Variants in MPHOSPH8 observed in about 807,000 individuals in gnomAD.
The protein encoded by MPHOSPH8 is M-phase phosphoprotein, mpp.
A neutral mutation model predicts 87.3 loss-of-function variants in MPHOSPH8; 45 were observed. The ratio of observed to expected loss-of-function variants is 0.52; its 90% confidence interval spans 0.41 to 0.66. The LOEUF (loss-of-function observed/expected upper bound fraction) is 0.66, where lower values mean the gene tolerates loss of function less well. MPHOSPH8 is among the 30% of genes least tolerant of loss of function. The pLI is 0.00. For missense variants in MPHOSPH8, 883 were observed against 1,020.2 expected, an observed-to-expected ratio of 0.87 and a Z score of 1.83; for synonymous variants, 366 against 376.9, an observed-to-expected ratio of 0.97 and a Z score of 0.33.
At position 19,646,988 on chromosome 13, in the gene MPHOSPH8, G is replaced by A. The variant is rs1874600426; in HGVS notation, c.915G>A (p.Gly305=). ...SARERAGQDM[G]LEHGFEKPLD... ...GAGAGAGAGCAGGGCAGGACATGGG[G>A]CTGGAGCATGGCTTTGAGAAGCCCC... Residue 305 remains glycine (G), a synonymous_variant, in exon 3 of 14, where the codon GGG becomes GGA. Coordinates refer to ENST00000361479, the MANE Select transcript of MPHOSPH8 (RefSeq NM_017520.4). 1 of 1,592,706 alleles carries A rather than the reference G, an allele frequency of 6.3e-7. No homozygotes were observed. Among genetic ancestry groups the A allele is most frequent in the Admixed American group, 1.9e-5 (1 of 52,920 alleles).
rs1390709062 is a variant in MPHOSPH8 at position 19,672,306 on chromosome 13, A to C, written c.*431A>C. 6.0e-6 allele frequency: 1 copy of C among 165,300 alleles called. No individual in the cohort carries two copies. Among genetic ancestry groups the C allele is most frequent in the African/African-American group, 2.4e-5 (1 of 41,764 alleles). The allele number at this position is 165,300 out of a possible 1,614,324, so 10.2% of individuals were successfully genotyped here. On this transcript the variant is annotated 3_prime_UTR_variant, in exon 14 of 14. Coordinates refer to ENST00000361479, the MANE Select transcript of MPHOSPH8 (RefSeq NM_017520.4). ...ATTACAGACACCCGCCATGGCACCC[A>C]GCTAATTTTGTATTTTTAGTAGAGA...
intron 4 of MPHOSPH8, among the ~76,000 whole-genome samples, chr13:19,648,955 C>T (rs1411285136): frequency 6.6e-6 from 1 of 152,264 alleles, no homozygotes; most frequent in African/African-American, 2.4e-5. Context: ...TATTTAGTTT[C>T]TGTAGCAAAA....
Position 19,668,579 on chromosome 13 carries a change from A to G in MPHOSPH8, c.2329+48A>G, listed in dbSNP as rs199918962. Reference sequence around the variant, plus strand: ...ACTTTTCTATGTGAAGTGTGACACTATATTAACAGATTTTTAGACAGAATC... The same window carrying G: ...ACTTTTCTATGTGAAGTGTGACACTGTATTAACAGATTTTTAGACAGAATC... On this transcript the variant is annotated intron_variant, in intron 11 of 13. Coordinates refer to ENST00000361479, the MANE Select transcript of MPHOSPH8 (RefSeq NM_017520.4). 2,288 of 1,527,388 alleles carry G rather than the reference A, an allele frequency of 1.5e-3. 2 individuals carry two copies. Among genetic ancestry groups the G allele is most frequent in the Non-Finnish European group, 1.9e-3 (2,136 of 1,128,034 alleles). The allele number at this position is 1,527,388 out of a possible 1,614,324, so 94.6% of individuals were successfully genotyped here. A position where few individuals can be genotyped will look rare whatever the true frequency, so the allele number is the denominator to read the frequency against.
At chr13:19,652,806 A>G (rs1874932210) in intron 5 of MPHOSPH8, among the ~76,000 whole-genome samples, 1 of 152,228 alleles carries the variant, frequency 6.6e-6, no homozygotes, top group East Asian at 1.9e-4. Context: ...AGTGTAAGCA[A>G]AGCCTCCGGG....
At chr13:19,670,911 C>A in intron 12 of MPHOSPH8, 1 of 991,042 alleles carries the variant, frequency 1.0e-6, no homozygotes, top group East Asian at 4.6e-5. Context: ...TCTTGACTTC[C>A]CAGGCACAAG....
Position 19,668,508 on chromosome 13 carries a change from A to G in MPHOSPH8, c.2306A>G (p.Lys769Arg), listed in dbSNP as rs2137543581. The change falls in exon 11 of 14, where the codon AAA becomes AGA. Residue 769 changes from lysine (K) to arginine (R), a missense_variant. Lys to Arg is a conservative substitution (Grantham distance 26). This residue lies in a region of MPHOSPH8 where 741 missense variants were observed against 841.5 expected (regional missense o/e 0.88). Coordinates refer to ENST00000361479, the MANE Select transcript of MPHOSPH8 (RefSeq NM_017520.4). ...GPDFSTDFNY[K>R]PPQNIPEGSG... ...GATTTTTCAACAGATTTCAATTACA[A>G]ACCCCCACAGAACATACCAGAAGGT... 2 of 1,614,072 alleles carry G rather than the reference A, an allele frequency of 1.2e-6. No individual in the cohort carries two copies. The highest frequency in any genetic ancestry group is 2.2e-5 in the East Asian group (1 of 44,872).
Position 19,670,315 on chromosome 13 carries a change from T to C in MPHOSPH8, c.2409T>C (p.Ser803=), listed in dbSNP as rs777332119. The C allele has an allele frequency of 1.2e-6, 2 of 1,614,204 alleles. No homozygotes were observed. The highest frequency in any genetic ancestry group is 1.7e-6 in the Non-Finnish European group (2 of 1,179,992). The change falls in exon 12 of 14, where the codon AGT becomes AGC. Residue 803 remains serine, a synonymous_variant. Transcript: ENST00000361479. ...EVIARLCGPC[S]VQAVVLNDKF... is the part of the protein sequence containing the mutation. ...TTGCTCGGCTCTGTGGACCGTGTAG[T>C]GTACAAGCTGTAGTTCTGAATGATA...
In MPHOSPH8 at chr13:19,642,167, C is replaced by G; in HGVS notation, c.266C>G (p.Thr89Ser). The G allele has an allele frequency of 6.2e-7, 1 of 1,609,926 alleles. No homozygotes were observed. Among genetic ancestry groups the G allele is most frequent in the Non-Finnish European group, 8.5e-7 (1 of 1,178,586 alleles). ...RWKGYTSDDD[T>S]WEPEIHLEDC... is the part of the protein sequence containing the mutation. Reference sequence around the variant, plus strand: ...AAAGGCTATACATCGGATGATGATACCTGGGAGCCCGAGATTCACCTGGAG... The same window carrying G: ...AAAGGCTATACATCGGATGATGATAGCTGGGAGCCCGAGATTCACCTGGAG... Residue 89 changes from threonine (T) to serine (S), a missense_variant, in exon 2 of 14, where the codon ACC becomes AGC. Physicochemically the swap from Thr to Ser is moderately conservative, Grantham distance 58. Around this residue, in one of 3 missense-constraint regions of MPHOSPH8, gnomAD observed 39 missense variants for 82.4 expected, o/e 0.47. Coordinates refer to ENST00000361479, the MANE Select transcript of MPHOSPH8 (RefSeq NM_017520.4).
intron 2 of MPHOSPH8, 138 bp from the exon 3 acceptor site, chr13:19,646,305 G>C: frequency 1.4e-6 from 1 of 709,094 alleles, no homozygotes; most frequent in Non-Finnish European, 2.1e-6. Context: ...TACGATTTCA[G>C]CTTAGGTAAG....
In MPHOSPH8 at chr13:19,672,323, T is replaced by C. The variant is rs75278195; in HGVS notation, c.*448T>C. ...TGGCACCCAGCTAATTTTGTATTTT[T>C]AGTAGAGATGGGGTTTATCCATGTT... On this transcript the variant is annotated 3_prime_UTR_variant, in exon 14 of 14. Coordinates refer to ENST00000361479, the MANE Select transcript of MPHOSPH8 (RefSeq NM_017520.4). 6.1e-6 allele frequency: 1 copy of C among 164,964 alleles called. No individual in the cohort carries two copies. Among genetic ancestry groups the C allele is most frequent in the African/African-American group, 2.4e-5 (1 of 41,786 alleles). The allele number at this position is 164,964 out of a possible 1,614,324, so 10.2% of individuals were successfully genotyped here.
In MPHOSPH8 at chr13:19,647,162, G is replaced by A; in HGVS notation, c.1089G>A (p.Gln363=). The A allele has an allele frequency of 6.2e-7, 1 of 1,614,196 alleles. No homozygotes were observed. Among genetic ancestry groups the A allele is most frequent in the Non-Finnish European group, 8.5e-7 (1 of 1,180,042 alleles). Residue 363 remains glutamine (Q), a synonymous_variant, in exon 3 of 14, where the codon CAG becomes CAA. Transcript: ENST00000361479. The part of the protein sequence containing the change: ...FLEKKTVPKK[Q]RNQDRSKSAA... ...AGAAGAAAACTGTGCCTAAAAAGCA[G>A]AGGAATCAAGACAGAAGCAAAAGTG...
rs753841771 is a variant in MPHOSPH8, at chr13:19,670,296, G to A, written c.2390G>A (p.Arg797Gln). 2.5e-6 allele frequency: 4 copies of A among 1,614,094 alleles called. No homozygotes were observed. Among genetic ancestry groups the A allele is most frequent in the Non-Finnish European group, 3.4e-6 (4 of 1,179,972 alleles). The part of the protein sequence containing the change: ...ANFLGKEVIA[R>Q]LCGPCSVQAV... Reference sequence around the variant, plus strand: ...TTTTTGGGTAAAGAAGTTATTGCTCGGCTCTGTGGACCGTGTAGTGTACAA... The same window carrying A: ...TTTTTGGGTAAAGAAGTTATTGCTCAGCTCTGTGGACCGTGTAGTGTACAA... The change falls in exon 12 of 14, where the codon CGG becomes CAG. Residue 797 changes from arginine to glutamine, a missense_variant. Around this residue, in one of 3 missense-constraint regions of MPHOSPH8, gnomAD observed 741 missense variants for 841.5 expected, o/e 0.88. Coordinates refer to ENST00000361479, the MANE Select transcript of MPHOSPH8 (RefSeq NM_017520.4).
rs772580100 is a variant in MPHOSPH8 at position 19,650,121 on chromosome 13, C to T, written c.1437C>T (p.Asp479=). The T allele has an allele frequency of 7.4e-6, 12 of 1,613,802 alleles. No individual in the cohort carries two copies. Among genetic ancestry groups the T allele is most frequent in the East Asian group, 2.2e-5 (1 of 44,882 alleles). The change falls in exon 5 of 14, where the codon GAC becomes GAT. Residue 479 remains aspartate, a synonymous_variant. Transcript: ENST00000361479. Reference sequence around the variant, plus strand: ...TACCACTGGATTTTAAAACCATAGACGATCACAAAACCAAGGAAAACAAAC... The same window carrying T: ...TACCACTGGATTTTAAAACCATAGATGATCACAAAACCAAGGAAAACAAAC... ...EEIPLDFKTI[D]DHKTKENKQS...
rs147834818 is a variant in MPHOSPH8, at chr13:19,650,252, A to G, written c.1568A>G (p.Glu523Gly). The change falls in exon 5 of 14, where the codon GAG becomes GGG. Residue 523 changes from glutamate to glycine, a missense_variant. Physicochemically the swap from Glu to Gly is moderately conservative, Grantham distance 98. Coordinates refer to ENST00000361479, the MANE Select transcript of MPHOSPH8 (RefSeq NM_017520.4). The part of the protein sequence containing the change: ...EVLDSVCQAD[E>G]NSDGRQQILS... The stretch of plus-strand genomic sequence containing the variant: ...TTAGACAGCGTGTGCCAAGCAGATG[A>G]GAATTCAGGTGAGTTTGGAATCATT... 2.1e-5 allele frequency: 34 copies of G among 1,612,394 alleles called. No individual in the cohort carries two copies. In the African/African-American group the frequency reaches 3.7e-4, roughly 18 times the overall value.
chr13:19,657,906 C>T (rs1749132034), intron 5 of MPHOSPH8, among the ~76,000 whole-genome samples: 1 of 152,238 alleles, frequency 6.6e-6, no homozygotes, highest in Non-Finnish European at 1.5e-5. Flanking sequence ...CTGCCACTCA[C>T]TGCTGTGTGT....
chr13:19,669,305 C>T (rs1875989743), intron 11 of MPHOSPH8, among the ~76,000 whole-genome samples: 1 of 151,906 alleles, frequency 6.6e-6, no homozygotes, highest in Admixed American at 6.6e-5. Flanking sequence ...CCTCAGCCTC[C>T]CAAAGTGCTG....
chr13:19,670,106 C>T (rs1209700701), intron 11 of MPHOSPH8, 130 bp from the exon 12 acceptor site: 1 of 1,079,320 alleles, frequency 9.3e-7, no homozygotes, highest in Non-Finnish European at 1.4e-6. Flanking sequence ...TCCTCTGAGC[C>T]TCCAGGCAGA....
chr13:19,660,790 C>T (rs1186425365), intron 7 of MPHOSPH8: 1 of 295,890 alleles, frequency 3.4e-6, no homozygotes, highest in Non-Finnish European at 5.0e-6. Context: ...TCTTTGTACA[C>T]ATAAGTGTGT....
At chr13:19,655,887 A>C (rs1268709726) in intron 5 of MPHOSPH8, among the ~76,000 whole-genome samples, 2 of 152,148 alleles carry the variant, frequency 1.3e-5, no homozygotes, top group Non-Finnish European at 2.9e-5. Flanking sequence ...GAGGCCAAGC[A>C]GATCGCTTGA....
Sources: gnomAD v4.1 joint callset for allele counts (sites outside exome capture counted in the v4.1 genomes callset) on GRCh38, gnomAD v4.1.1 for gene constraint, gnomAD v4.1.1 regional missense constraint, MANE v1.5 for transcripts, NCBI Gene and HGNC (gene_info 2026-07-23, HGNC 2026-07-21) for gene names.